The following MED13 variants were observed in gnomAD, a reference collection of about 807,000 sequenced individuals.
The protein encoded by MED13 is mediator of RNA polymerase II transcription subunit 13.
Under a neutral mutation model 225.2 loss-of-function variants are expected in MED13, and 23 were observed. That is an observed-to-expected ratio of 0.10 (90% CI 0.07 to 0.14). The LOEUF (loss-of-function observed/expected upper bound fraction) is 0.14. MED13 is among the 10% of genes least tolerant of loss of function. The pLI is 1.00. For missense variants in MED13, 2,197 were observed against 2,594.5 expected (o/e 0.85, Z 3.33); for synonymous variants, 942 against 889.2 (o/e 1.06, Z -1.06).
chr17:61,978,174 G>A (rs142807591), intron 16 of MED13, among the ~76,000 whole-genome samples: 3 of 150,060 alleles, frequency 2.0e-5, no homozygotes, highest in East Asian at 2.0e-4. Context: ...TCTTCAGACC[G>A]AGTTTCACTC....
chr17:62,020,536 C>T (rs1472852979), intron 8 of MED13, among the ~76,000 whole-genome samples: 1 of 151,852 alleles, frequency 6.6e-6, no homozygotes, highest in Non-Finnish European at 1.5e-5. Context: ...ATCACCACGC[C>T]CGGCTAATTT....
At chr17:61,961,144 TGC>T in intron 22 of MED13, 54 bp from the exon 23 acceptor site, 1 of 1,367,986 alleles carries the variant, frequency 7.3e-7, no homozygotes, top group African/African-American at 1.5e-5. Context: ...AGAGAAATAT[TGC>T]ATTTAAAATG....
At chr17:61,981,442 C>T (rs1468480329) in intron 16 of MED13, among the ~76,000 whole-genome samples, 10 of 150,942 alleles carry the variant, frequency 6.6e-5, no homozygotes, top group Admixed American at 5.3e-4. Flanking sequence ...CTATAAGACT[C>T]TAAATGATGC....
At chr17:62,008,662 T>C (rs2080477591) in intron 9 of MED13, among the ~76,000 whole-genome samples, 1 of 151,844 alleles carries the variant, frequency 6.6e-6, no homozygotes, top group Admixed American at 6.6e-5. Flanking sequence ...GGATGCCAAA[T>C]TTATCTCCCA....
chr17:62,021,992 C>T lies in MED13; in HGVS notation c.1283+7549G>A, dbSNP rs554282119. On this transcript the variant is annotated intron_variant, in intron 8 of 29. Coordinates refer to ENST00000397786, the MANE Select transcript of MED13 (RefSeq NM_005121.3). ...GACCAGCCTGACCAACATGGTAAAA[C>T]CCCATCTCTACTAAAAATACAACAA... Among the ~76,000 whole-genome samples, 9 of 151,954 alleles carry T rather than the reference C, an allele frequency of 5.9e-5. No individual in the cohort carries two copies. The South Asian group carries it at 8.3e-4, about 14-fold the overall frequency.
chr17:61,971,275 CTTTTT>C (rs758826223), intron 17 of MED13, among the ~76,000 whole-genome samples: 2 of 136,334 alleles, frequency 1.5e-5, no homozygotes. Context: ...TAAATATCTA[CTTTTT>C]TTTTTTTTTT....
chr17:62,030,325 T>C (rs939030617), intron 6 of MED13: 1 of 231,948 alleles, frequency 4.3e-6, no homozygotes, highest in Non-Finnish European at 8.4e-6. Context: ...CCATGGATCA[T>C]GCTGTATAAG....
At chr17:62,015,934 ATATATATATATATATATATATTTTT>A (rs1343757701) in intron 8 of MED13, among the ~76,000 whole-genome samples, 17 of 8,836 alleles carry the variant, frequency 1.9e-3, no homozygotes, top group East Asian at 8.1e-3. Context: ...ATATATATAT[ATATATATATATATATATATATTTTT>A]TTTTTTTTTT....
At chr17:62,018,692 C>T (rs530968914) in intron 8 of MED13, among the ~76,000 whole-genome samples, 1 of 138,732 alleles carries the variant, frequency 7.2e-6, no homozygotes, top group Non-Finnish European at 1.5e-5. Flanking sequence ...CCTGCCTGGG[C>T]AACAGAGGCA....
At chr17:61,956,806 T>C (rs1239198647) in intron 23 of MED13, among the ~76,000 whole-genome samples, 1 of 152,122 alleles carries the variant, frequency 6.6e-6, no homozygotes, top group Non-Finnish European at 1.5e-5. Flanking sequence ...CTCAAAGTGC[T>C]GGATTACAGG....
intron 8 of MED13, among the ~76,000 whole-genome samples, chr17:62,026,824 A>G (rs1033859995): frequency 3.3e-5 from 5 of 152,196 alleles, no homozygotes; most frequent in Admixed American, 3.3e-4. Flanking sequence ...TCAGAAATGC[A>G]ATCCCAGTCA....
intron 17 of MED13, among the ~76,000 whole-genome samples, chr17:61,969,803 TGTTGGCCA>T (rs2080091374): frequency 1.3e-5 from 2 of 152,132 alleles, no homozygotes; most frequent in Admixed American, 1.3e-4. Context: ...GGTTTCACCA[TGTTGGCCA>T]GGCTGGTTTC....
At chr17:61,947,766 G>A (rs761192276) in intron 28 of MED13, among the ~76,000 whole-genome samples, 12 of 152,152 alleles carry the variant, frequency 7.9e-5, no homozygotes, top group Non-Finnish European at 1.8e-4. Context: ...GCAATGAATA[G>A]TGGGAGAAAG....
intron 11 of MED13, among the ~76,000 whole-genome samples, chr17:61,988,071 C>T (rs963599677): frequency 1.1e-4 from 17 of 152,072 alleles, no homozygotes; most frequent in African/African-American, 3.4e-4. Flanking sequence ...GAAATGTAAA[C>T]GAAGAACAGA....
chr17:61,955,328 G>C, intron 26 of MED13, 54 bp downstream of exon 26: 1 of 1,370,298 alleles, frequency 7.3e-7, no homozygotes, highest in Non-Finnish European at 9.7e-7. Flanking sequence ...TATTGGACAT[G>C]AATTTATTTT....
At chr17:62,050,364 A>T (rs1406793218) in intron 3 of MED13, among the ~76,000 whole-genome samples, 2 of 151,988 alleles carry the variant, frequency 1.3e-5, no homozygotes, top group Admixed American at 1.3e-4. Flanking sequence ...GTATCAGAAA[A>T]AAAAAAAAAA....
rs575335489 is a variant in MED13, at chr17:62,028,995, A to T, written c.1283+546T>A. ...ACATACCAAGATCCCCTCTCTACGA[A>T]TTTTTTTTTCTTTTAATTAGCCAGG... On this transcript the variant is annotated intron_variant, in intron 8 of 29. Coordinates refer to ENST00000397786, the MANE Select transcript of MED13 (RefSeq NM_005121.3). 1.6e-4 allele frequency among the ~76,000 whole-genome samples: 24 copies of T among 151,106 alleles called. No individual in the cohort carries two copies. In the South Asian group the frequency reaches 4.8e-3, roughly 30 times the overall value.
intron 8 of MED13, among the ~76,000 whole-genome samples, chr17:62,015,885 A>G (rs1455065619): frequency 9.7e-6 from 1 of 102,794 alleles, no homozygotes; most frequent in Non-Finnish European, 2.0e-5. Flanking sequence ...GTGTATATAT[A>G]TACACACACA....
Position 62,063,089 on chromosome 17 carries a change from G to C in MED13, c.279C>G (p.Asp93Glu). The C allele has an allele frequency of 1.2e-6, 2 of 1,613,956 alleles. No homozygotes were observed. Among genetic ancestry groups the C allele is most frequent in the Non-Finnish European group, 1.7e-6 (2 of 1,179,898 alleles). Residue 93 changes from aspartate (D) to glutamate (E), a missense_variant, in exon 2 of 30, where the codon GAC becomes GAG. Physicochemically the swap from Asp to Glu is conservative, Grantham distance 45 (BLOSUM62 2). Coordinates refer to ENST00000397786, the MANE Select transcript of MED13 (RefSeq NM_005121.3). ...FWWGEDPSFADLIHHDLSEEE... is the reference protein window; with the variant it reads ...FWWGEDPSFAELIHHDLSEEE... ...CACCTGATAAGTCATGGTGAATAAG[G>C]TCAGCAAAACTGGGGTCTTCACCCC...
Sources: allele counts gnomAD v4.1 joint callset (sites outside exome capture counted in the v4.1 genomes callset), GRCh38; gene constraint gnomAD v4.1.1; transcripts MANE v1.5; gene names NCBI Gene and HGNC (gene_info 2026-07-23, HGNC 2026-07-21).